The following OTOG variants were observed in gnomAD, a reference collection of about 807,000 sequenced individuals.
The protein encoded by OTOG is otogelin.
Under a neutral mutation model 313.8 loss-of-function variants are expected in OTOG, and 296 were observed. The ratio of observed to expected loss-of-function variants is 0.94; its 90% CI spans 0.86 to 1.04. OTOG has a LOEUF of 1.04. OTOG is among the 50% of genes least tolerant of loss of function. The pLI is 0.00. For missense variants in OTOG, 3,948 were observed against 3,840.1 expected (o/e 1.03, Z -0.74); for synonymous variants, 1,533 against 1,554.9 (o/e 0.99, Z 0.33).
intron 6 of OTOG, among the ~76,000 whole-genome samples, chr11:17,554,298 G>A (rs1255647158): frequency 9.9e-5 from 15 of 152,180 alleles, no homozygotes; most frequent in Admixed American, 8.5e-4. Flanking sequence ...CTGGTTTTGG[G>A]TTGGTTTTCT....
In OTOG at chr11:17,557,421, G is replaced by A; in HGVS notation, c.865+98G>A. On this transcript the variant is annotated intron_variant, in intron 8 of 55. Transcript: ENST00000399397. ...AGGGGACTTGGAACAGAGCCCTGGGGTCGTGGTCATGGTATTAAAGACCCA... is the reference window on the plus strand; with the variant it reads ...AGGGGACTTGGAACAGAGCCCTGGGATCGTGGTCATGGTATTAAAGACCCA... 3 of 1,233,974 alleles carry A rather than the reference G, an allele frequency of 2.4e-6. No individual in the cohort carries two copies. The South Asian group carries it at 4.4e-5, about 18-fold the overall frequency. 76.4% of individuals were successfully genotyped at this position (1,233,974 alleles called of 1,614,324 possible).
At chr11:17,587,115 T>G (rs1852813018) in intron 24 of OTOG, among the ~76,000 whole-genome samples, 1 of 152,244 alleles carries the variant, frequency 6.6e-6, no homozygotes, top group Non-Finnish European at 1.5e-5. Flanking sequence ...TGTATTCACA[T>G]GTGAGTGTAA....
intron 15 of OTOG, among the ~76,000 whole-genome samples, chr11:17,567,371 C>T (rs1055696787): frequency 2.6e-5 from 4 of 152,248 alleles, no homozygotes; most frequent in African/African-American, 9.6e-5. Flanking sequence ...AAGCCCTGAT[C>T]ATTCTGTCAT....
chr11:17,640,643 C>A, intron 49 of OTOG, 102 bp from the exon 50 acceptor site: 1 of 1,270,600 alleles, frequency 7.9e-7, no homozygotes, highest in Non-Finnish European at 1.1e-6. Flanking sequence ...TCCTGCCCAC[C>A]ACAGGGAGGG....
chr11:17,585,322 T>G (rs1852766993), intron 23 of OTOG, among the ~76,000 whole-genome samples: 1 of 152,244 alleles, frequency 6.6e-6, no homozygotes, highest in Non-Finnish European at 1.5e-5. Context: ...CTTATTTTCC[T>G]TTTACTATCA....
intron 7 of OTOG, 141 bp from the exon 8 acceptor site, chr11:17,556,977 C>T (rs1205245990): frequency 9.0e-6 from 7 of 780,152 alleles, no homozygotes; most frequent in Non-Finnish European, 1.4e-5. Flanking sequence ...TACTTCCAGG[C>T]ACCTGGGAAT....
chr11:17,551,894 T>A, intron 3 of OTOG, 106 bp from the exon 4 acceptor site: 1 of 986,720 alleles, frequency 1.0e-6, no homozygotes, highest in South Asian at 1.4e-5. Context: ...CAGGGGCTCC[T>A]CCCTCTGGGA....
chr11:17,552,686 G>C (rs548696554), intron 4 of OTOG, among the ~76,000 whole-genome samples: 81 of 113,722 alleles, frequency 7.1e-4, no homozygotes, highest in Admixed American at 2.7e-3. Context: ...GGTTGTTCTT[G>C]CTACAGGCCT....
chr11:17,635,013 G>A, intron 45 of OTOG, 65 bp downstream of exon 45: 1 of 1,535,806 alleles, frequency 6.5e-7, no homozygotes. Flanking sequence ...GACAGCTCTG[G>A]GGGCAGGGGC....
Position 17,578,432 on chromosome 11 carries a change from G to T in OTOG, c.2665G>T (p.Glu889Ter), listed in dbSNP as rs888990247. The change falls in exon 23 of 56, where the codon GAG becomes TAG. Residue 889 changes from glutamate to a stop codon, truncating the protein, a stop_gained. Transcript: ENST00000399397. LOFTEE classifies it high-confidence loss of function. ...CTGCAGCGACCTGCACACGGACCTGGAGCTGAGCAGGGAGAGGACGTGTGA... is the reference window on the plus strand; with the variant it reads ...CTGCAGCGACCTGCACACGGACCTGTAGCTGAGCAGGGAGAGGACGTGTGA... ...VNCSDLHTDL[E>*]LSRERTCEQQ... 6.5e-7 allele frequency: 1 copy of T among 1,541,650 alleles called. No homozygotes were observed. Among genetic ancestry groups the T allele is most frequent in the Admixed American group, 2.0e-5 (1 of 50,994 alleles).
chr11:17,559,723 C>A lies in OTOG; in HGVS notation c.1342+61C>A. 6.7e-6 allele frequency: 10 copies of A among 1,493,548 alleles called. No homozygotes were observed. The South Asian group carries it at 1.1e-4, about 17-fold the overall frequency. The allele number at this position is 1,493,548 out of a possible 1,614,324, so 92.5% of individuals were successfully genotyped here. A position where few individuals can be genotyped will look rare whatever the true frequency, so the allele number is the denominator to read the frequency against. On this transcript the variant is annotated intron_variant, in intron 12 of 55. Coordinates refer to ENST00000399397, the MANE Select transcript of OTOG (RefSeq NM_001292063.2). ...CTTCCTGGCCTGGCACAGATGGCCACGAAACAGGAGTTCAGAAGATACCTG... is the reference window on the plus strand; with the variant it reads ...CTTCCTGGCCTGGCACAGATGGCCAAGAAACAGGAGTTCAGAAGATACCTG...
intron 4 of OTOG, 83 bp downstream of exon 4, chr11:17,552,158 G>A: frequency 1.5e-6 from 2 of 1,342,574 alleles, no homozygotes; most frequent in Non-Finnish European, 2.1e-6. Context: ...GGCAGGTGGG[G>A]CTTCCCTCAG....
intron 7 of OTOG, 61 bp downstream of exon 7, chr11:17,555,958 G>A (rs1304528153): frequency 2.3e-6 from 3 of 1,278,224 alleles, no homozygotes; most frequent in Non-Finnish European, 3.3e-6. Flanking sequence ...TGGTGGATGG[G>A]TGAGCATCCG....
intron 31 of OTOG, among the ~76,000 whole-genome samples, chr11:17,601,394 G>A (rs540298828): frequency 5.9e-5 from 9 of 152,064 alleles, no homozygotes; most frequent in African/African-American, 1.9e-4. Flanking sequence ...TGGGTGGAAC[G>A]GTGTGATGAG....
rs1466136665 is a variant in OTOG at position 17,581,602 on chromosome 11, T to G, written c.2759+3076T>G. On this transcript the variant is annotated intron_variant, in intron 23 of 55. Coordinates refer to ENST00000399397, the MANE Select transcript of OTOG (RefSeq NM_001292063.2). ...CTTTTGATGCCTCACTCTTTTTTCT[T>G]TTTTTCCTTTTAGGAAGTGTTGCGT... is the stretch of plus-strand genomic sequence containing the variant. Among the ~76,000 whole-genome samples the G allele has an allele frequency of 4.0e-5, 6 of 151,144 alleles. No homozygotes were observed. The South Asian group carries it at 1.2e-3, about 31-fold the overall frequency.
At chr11:17,552,528 C>CTCCCCCCCCTGTCCTGTG (rs1565087715) in intron 4 of OTOG, among the ~76,000 whole-genome samples, 3 of 39,228 alleles carry the variant, frequency 7.6e-5, no homozygotes, top group African/African-American at 3.0e-4. Flanking sequence ...CTGTTCCTAC[C>CTCCCCCCCCTGTCCTGTG]TCCCCCACCT....
intron 24 of OTOG, 102 bp from the exon 25 acceptor site, chr11:17,591,348 G>C (rs746107672): frequency 1.1e-4 from 165 of 1,443,872 alleles, no homozygotes; most frequent in Non-Finnish European, 1.3e-4. Context: ...TCTTTGCCGA[G>C]GGACACAGTG....
Position 17,548,209 on chromosome 11 carries a change from C to T in OTOG, c.213C>T (p.Gly71=), listed in dbSNP as rs1014975516. ...GGGACAAGGCTACAGTCGTGGGAGG[C>T]CAGGTAAGGGAGGTCTTGGGAGGGG... ...AMGDKATVVG[G]QQAEAPDSVA... is the part of the protein sequence containing the mutation. The change falls in exon 3 of 56, where the codon GGC becomes GGT. Residue 71 remains glycine, a synonymous_variant. Transcript: ENST00000399397. 1 of 1,546,302 alleles carries T rather than the reference C, an allele frequency of 6.5e-7. No homozygotes were observed. Among genetic ancestry groups the T allele is most frequent in the East Asian group, 2.5e-5 (1 of 40,800 alleles).
intron 28 of OTOG, among the ~76,000 whole-genome samples, chr11:17,594,633 A>C (rs1034741592): frequency 1.3e-5 from 2 of 152,176 alleles, no homozygotes; most frequent in African/African-American, 4.8e-5. Context: ...TCTGAGAGGA[A>C]GGGCAACACT....
Sources: allele counts gnomAD v4.1 joint callset (sites outside exome capture counted in the v4.1 genomes callset), GRCh38; gene constraint gnomAD v4.1.1; transcripts MANE v1.5; gene names NCBI Gene and HGNC (gene_info 2026-07-23, HGNC 2026-07-21).